VPS13B: variants seen among roughly 807,000 people sequenced by gnomAD.
VPS13B encodes intermembrane lipid transfer protein VPS13B.
Under a neutral mutation model 426.4 loss-of-function variants are expected in VPS13B, and 285 were observed. The ratio of observed to expected loss-of-function variants is 0.67; its 90% CI spans 0.61 to 0.74. VPS13B has a LOEUF of 0.74. Among genes scored for constraint, VPS13B ranks in the 30% least tolerant of loss-of-function variants. The pLI, the probability that VPS13B is intolerant of heterozygous loss-of-function variation, is 0.00. For synonymous variants in VPS13B, 1,676 were observed against 1,676.4 expected (o/e 1.00, Z 0.01); for missense variants, 4,537 against 4,782.6 (o/e 0.95, Z 1.51).
In VPS13B at chr8:99,835,714, T is replaced by C; in HGVS notation, c.9918T>C (p.Ile3306=). ...DEVTTEWSDA[I]DINSQGTQVV... ...TAACAACTGAGTGGAGTGATGCCAT[T>C]GACATCAACAGTCAGGGAACACAGG... The change falls in exon 54 of 62, where the codon ATT becomes ATC. Residue 3306 remains isoleucine (I), a synonymous_variant. Coordinates refer to ENST00000357162, the MANE Select transcript of VPS13B (RefSeq NM_152564.5). 1 of 1,614,166 alleles carries C rather than the reference T, an allele frequency of 6.2e-7. No individual in the cohort carries two copies. The highest frequency in any genetic ancestry group is 2.2e-5 in the East Asian group (1 of 44,876).
Position 99,868,309 on chromosome 8 carries a change from G to A in VPS13B, c.11236G>A (p.Asp3746Asn). 6.2e-7 allele frequency: 1 copy of A among 1,614,156 alleles called. No homozygotes were observed. The highest frequency in any genetic ancestry group is 2.2e-5 in the East Asian group (1 of 44,896). Residue 3746 changes from aspartate (D) to asparagine (N), a missense_variant, in exon 59 of 62, where the codon GAT becomes AAT. Asp to Asn is a conservative substitution (Grantham distance 23). Coordinates refer to ENST00000357162, the MANE Select transcript of VPS13B (RefSeq NM_152564.5). ...SLLGAIAGIV[D>N]QPMQNFQKTS... ...TCCAGGTGCAATTGCTGGTATAGTT[G>A]ATCAGCCGATGCAGAACTTCCAGAA...
intron 58 of VPS13B, among the ~76,000 whole-genome samples, chr8:99,867,578 C>A (rs1292669799): frequency 6.6e-6 from 1 of 152,104 alleles, no homozygotes; most frequent in Non-Finnish European, 1.5e-5. Flanking sequence ...TATGCTGTGA[C>A]TCAAACTCTC....
At chr8:99,124,797 G>A (rs549010000) in intron 8 of VPS13B, among the ~76,000 whole-genome samples, 3 of 142,184 alleles carry the variant, frequency 2.1e-5, no homozygotes, top group East Asian at 2.1e-4. Context: ...CAGGAGACTC[G>A]CTTGAACCTG....
At chr8:99,754,550 T>G (rs1810547439) in intron 39 of VPS13B, among the ~76,000 whole-genome samples, 2 of 152,220 alleles carry the variant, frequency 1.3e-5, no homozygotes. Flanking sequence ...CATTTATCCC[T>G]ATCTCTAGAT....
intron 36 of VPS13B, among the ~76,000 whole-genome samples, chr8:99,707,894 A>G (rs1457756100): frequency 6.6e-6 from 1 of 152,178 alleles, no homozygotes; most frequent in African/African-American, 2.4e-5. Context: ...CAAAACCTGG[A>G]TTATGTAGAT....
intron 58 of VPS13B, among the ~76,000 whole-genome samples, chr8:99,863,135 G>A (rs1284938692): frequency 6.6e-6 from 1 of 152,178 alleles, no homozygotes; most frequent in South Asian, 2.1e-4. Context: ...TGTATATTGG[G>A]CCTGGTGATA....
At chr8:99,496,889 C>A (rs193142455) in intron 25 of VPS13B, among the ~76,000 whole-genome samples, 1 of 151,560 alleles carries the variant, frequency 6.6e-6, no homozygotes, top group Admixed American at 6.6e-5. Flanking sequence ...AATTAAATTC[C>A]TCTGAGTTGT....
intron 19 of VPS13B, among the ~76,000 whole-genome samples, chr8:99,337,462 A>T (rs564171477): frequency 5.6e-4 from 85 of 151,996 alleles, no homozygotes; most frequent in African/African-American, 1.9e-3. Context: ...ATGTATACGT[A>T]TGTAACTAAC....
chr8:99,500,715 G>T lies in VPS13B; in HGVS notation c.3871-972G>T, dbSNP rs371127074. Among the ~76,000 whole-genome samples, 5 of 152,200 alleles carry T rather than the reference G, an allele frequency of 3.3e-5. No homozygotes were observed. The East Asian group carries it at 7.7e-4, about 23-fold the overall frequency. ...TTTCAGAGTATATGGGTTTAAGCTC[G>T]CAAGTTTTGTTTGCAAGGTTTAAAC... On this transcript the variant is annotated intron_variant, in intron 25 of 61. Coordinates refer to ENST00000357162, the MANE Select transcript of VPS13B (RefSeq NM_152564.5).
At chr8:99,437,735 G>A (rs2133427856) in intron 22 of VPS13B, among the ~76,000 whole-genome samples, 1 of 151,962 alleles carries the variant, frequency 6.6e-6, no homozygotes, top group South Asian at 2.1e-4. Context: ...AAAATTAAAA[G>A]AATAAAAATA....
chr8:99,534,828 A>G (rs1823115897), intron 30 of VPS13B, among the ~76,000 whole-genome samples: 1 of 152,174 alleles, frequency 6.6e-6, no homozygotes, highest in Admixed American at 6.5e-5. Flanking sequence ...ATATTGTAAC[A>G]AAAGAGTAAC....
At chr8:99,189,249 A>G (rs953267009) in intron 16 of VPS13B, among the ~76,000 whole-genome samples, 1 of 152,162 alleles carries the variant, frequency 6.6e-6, no homozygotes, top group Non-Finnish European at 1.5e-5. Context: ...GCGCCCGGCC[A>G]AAGTTCCCTT....
chr8:99,213,963 C>T (rs1035252706), intron 17 of VPS13B, among the ~76,000 whole-genome samples: 24 of 152,174 alleles, frequency 1.6e-4, no homozygotes, highest in African/African-American at 5.1e-4. Flanking sequence ...TGGTACTCCC[C>T]CATAAGTATT....
At chr8:99,221,634 G>C (rs1347303903) in intron 17 of VPS13B, among the ~76,000 whole-genome samples, 1 of 152,162 alleles carries the variant, frequency 6.6e-6, no homozygotes, top group African/African-American at 2.4e-5. Flanking sequence ...GACACACCGT[G>C]TTCTCAGAGT....
chr8:99,714,961 A>G (rs977954546), intron 36 of VPS13B, among the ~76,000 whole-genome samples: 8 of 152,290 alleles, frequency 5.3e-5, no homozygotes, highest in Non-Finnish European at 1.0e-4. Flanking sequence ...TAAAAGTATT[A>G]TATCAATGTG....
intron 17 of VPS13B, among the ~76,000 whole-genome samples, chr8:99,196,546 C>A (rs1813944028): frequency 6.7e-6 from 1 of 149,426 alleles, no homozygotes; most frequent in Non-Finnish European, 1.5e-5. Flanking sequence ...TGGCTCACTG[C>A]AACCTCCACC....
intron 20 of VPS13B, among the ~76,000 whole-genome samples, chr8:99,389,163 A>G (rs1407693761): frequency 6.6e-6 from 1 of 152,124 alleles, no homozygotes; most frequent in Non-Finnish European, 1.5e-5. Context: ...AGAAAAAAAA[A>G]AGATACACTC....
At chr8:99,606,276 C>T (rs1376893198) in intron 33 of VPS13B, among the ~76,000 whole-genome samples, 1 of 152,048 alleles carries the variant, frequency 6.6e-6, no homozygotes, top group Non-Finnish European at 1.5e-5. Flanking sequence ...CTATTATATT[C>T]GTGTTCTCTT....
chr8:99,812,903 C>A (rs1379923394), intron 44 of VPS13B, among the ~76,000 whole-genome samples: 1 of 152,120 alleles, frequency 6.6e-6, no homozygotes, highest in Non-Finnish European at 1.5e-5. Flanking sequence ...ATGTGGAAAT[C>A]TTCAATACAC....
Sources: allele counts gnomAD v4.1 joint callset (sites outside exome capture counted in the v4.1 genomes callset), GRCh38; gene constraint gnomAD v4.1.1; transcripts MANE v1.5; gene names NCBI Gene and HGNC (gene_info 2026-07-23, HGNC 2026-07-21).